Variants in RDH12 observed in about 807,000 individuals in gnomAD.
RDH12 encodes retinol dehydrogenase 12.
In RDH12, 21 loss-of-function variants were observed where a neutral mutation model predicts 34.0. The ratio of observed to expected loss-of-function variants is 0.62; its 90% CI spans 0.44 to 0.89. The LOEUF is 0.89. Among genes scored for constraint, RDH12 ranks in the 40% least tolerant of loss-of-function variants. RDH12 has a pLI of 0.00. For synonymous variants in RDH12, 198 were observed against 169.9 expected (o/e 1.17, Z -1.29); for missense variants, 394 against 398.6 (o/e 0.99, Z 0.10).
In RDH12 at chr14:67,727,478, T is replaced by G. The variant is rs543936279; in HGVS notation, c.658+288T>G. 145 of 345,766 alleles carry G rather than the reference T, an allele frequency of 4.2e-4. 4 individuals carry two copies. Among genetic ancestry groups the G allele is most frequent in the Admixed American group, 6.3e-4 (14 of 22,372 alleles). The allele number at this position is 345,766 out of a possible 1,614,324, so 21.4% of individuals were successfully genotyped here. A position where few individuals can be genotyped will look rare whatever the true frequency, so the allele number is the denominator to read the frequency against. On this transcript the variant is annotated intron_variant, in intron 7 of 8. Coordinates refer to ENST00000551171, the MANE Select transcript of RDH12 (RefSeq NM_152443.3). Reference sequence around the variant, plus strand: ...TTTGCAACAGACAGAGGCTTTTTGTTTTTTTTGTTTTTTTTTTTTTGAGAC... The same window carrying G: ...TTTGCAACAGACAGAGGCTTTTTGTGTTTTTTGTTTTTTTTTTTTTGAGAC...
chr14:67,729,177 CCT>C lies in RDH12; in HGVS notation c.659-11_659-10del, dbSNP rs767798529. 2 of 1,612,562 alleles carry C rather than the reference CCT, an allele frequency of 1.2e-6. No individual in the cohort carries two copies. The highest frequency in any genetic ancestry group is 4.5e-5 in the East Asian group (2 of 44,892). On this transcript the variant is annotated splice_polypyrimidine_tract_variant and intron_variant, in intron 7 of 8. Coordinates refer to ENST00000551171, the MANE Select transcript of RDH12 (RefSeq NM_152443.3). ...GAGTGTGTCCCTGATCTAATTGTGC[CCT>C]CTTTGTCCCAGGCACCGGGGTCACC... is the stretch of plus-strand genomic sequence containing the variant.
At chr14:67,726,863 A>G (rs2038191873) in intron 6 of RDH12, 118 bp from the exon 7 acceptor site, 1 of 835,018 alleles carries the variant, frequency 1.2e-6, no homozygotes, top group Non-Finnish European at 2.0e-6. Flanking sequence ...TACTCATGGC[A>G]TCAAAATTGG....
At chr14:67,719,228 A>G (rs564149085) in intron 1 of RDH12, among the ~76,000 whole-genome samples, 10 of 152,338 alleles carry the variant, frequency 6.6e-5, no homozygotes, top group Middle Eastern at 6.8e-3. Context: ...AAATCAGCAG[A>G]GCTTTATGAT....
intron 1 of RDH12, among the ~76,000 whole-genome samples, chr14:67,720,575 C>T (rs959583420): frequency 3.3e-5 from 5 of 152,240 alleles, no homozygotes; most frequent in African/African-American, 9.6e-5. Context: ...ATTAAATCAT[C>T]TGTCCCTTCC....
chr14:67,726,053 G>C lies in RDH12; in HGVS notation c.346G>C (p.Glu116Gln). The C allele has an allele frequency of 6.2e-7, 1 of 1,611,840 alleles. No homozygotes were observed. The highest frequency in any genetic ancestry group is 8.5e-7 in the Non-Finnish European group (1 of 1,177,978). The change falls in exon 6 of 9, where the codon GAA (glutamate) becomes CAA (glutamine). Residue 116 changes from glutamate to glutamine, a missense_variant and splice_region_variant. Glu to Gln is a conservative substitution (Grantham distance 29). Coordinates refer to ENST00000551171, the MANE Select transcript of RDH12 (RefSeq NM_152443.3). Reference sequence around the variant, plus strand: ...ATCTCTTTGGTTGTGCCCTATAGAGGAAAAGCAGCTCCATATTCTGATCAA... The same window carrying C: ...ATCTCTTTGGTTGTGCCCTATAGAGCAAAAGCAGCTCCATATTCTGATCAA... ...RAFAEGFLAE[E>Q]KQLHILINNA...
At position 67,725,052 on chromosome 14, in the gene RDH12, A is replaced by T. The variant is rs1594865270; in HGVS notation, c.188-47A>T. The T allele has an allele frequency of 1.9e-6, 3 of 1,607,862 alleles. No homozygotes were observed. The East Asian group carries it at 6.7e-5, about 36-fold the overall frequency. ...CAAGCTCACTTACTATACCTCCTTT[A>T]TAGCCTAGGATATGAACATACTGCT... On this transcript the variant is annotated intron_variant, in intron 4 of 8. Transcript: ENST00000551171.
intron 7 of RDH12, chr14:67,728,168 T>C (rs746110750): frequency 1.3e-5 from 2 of 152,220 alleles, no homozygotes. Context: ...GGTCCATTTG[T>C]TACAGTGAAT....
intron 8 of RDH12, among the ~76,000 whole-genome samples, chr14:67,731,058 C>T (rs1425530788): frequency 6.6e-6 from 1 of 152,090 alleles, no homozygotes; most frequent in African/African-American, 2.4e-5. Context: ...AAATAAAGTA[C>T]ATATTTATTA....
At position 67,732,754 on chromosome 14, in the gene RDH12, T is replaced by A. The variant is rs921815094; in HGVS notation, c.849-992T>A. Among the ~76,000 whole-genome samples, 23 of 152,242 alleles carry A rather than the reference T, an allele frequency of 1.5e-4. 1 individual carries two copies. The South Asian group carries it at 4.4e-3, about 29-fold the overall frequency. ...ACCACACCCGGCTAATTGTTTTTTGTATTTTTAGTAGAGGCAGGGTTTCGC... is the reference window on the plus strand; with the variant it reads ...ACCACACCCGGCTAATTGTTTTTTGAATTTTTAGTAGAGGCAGGGTTTCGC... On this transcript the variant is annotated intron_variant, in intron 8 of 8. Transcript: ENST00000551171.
chr14:67,714,414 G>A (rs2038044754), intron 1 of RDH12: 1 of 152,192 alleles, frequency 6.6e-6, no homozygotes, highest in Non-Finnish European at 1.5e-5. Flanking sequence ...TGGGATTACA[G>A]GTGTGAGCCT....
chr14:67,726,553 T>C (rs2038188633), intron 6 of RDH12, among the ~76,000 whole-genome samples: 1 of 152,030 alleles, frequency 6.6e-6, no homozygotes, highest in Non-Finnish European at 1.5e-5. Flanking sequence ...AGAACTTGAG[T>C]ACGAGGCAGG....
Position 67,726,149 on chromosome 14 carries a change from C to T in RDH12, c.442C>T (p.His148Tyr). 8 of 1,598,808 alleles carry T rather than the reference C, an allele frequency of 5.0e-6. No homozygotes were observed. The highest frequency in any genetic ancestry group is 6.0e-6 in the Non-Finnish European group (7 of 1,166,114). The part of the protein sequence containing the change: ...DGFETHLGVN[H>Y]LGHFLLTYLL... Reference sequence around the variant, plus strand: ...CTTTGAAACCCACCTGGGAGTCAACCACCTGGGTAAGTATCTTTGGGTGAC... The same window carrying T: ...CTTTGAAACCCACCTGGGAGTCAACTACCTGGGTAAGTATCTTTGGGTGAC... The change falls in exon 6 of 9, where the codon CAC (histidine) becomes TAC (tyrosine). Residue 148 changes from histidine (H) to tyrosine (Y), a missense_variant. Transcript: ENST00000551171.
chr14:67,724,590 A>G lies in RDH12; in HGVS notation c.186A>G (p.Arg62=). The G allele has an allele frequency of 6.2e-7, 1 of 1,610,420 alleles. No individual in the cohort carries two copies. The highest frequency in any genetic ancestry group is 8.5e-7 in the Non-Finnish European group (1 of 1,176,834). ...GKETARELAS[R]GARVYIACRD... is the part of the protein sequence containing the mutation. ...AGACGGCCAGAGAGCTCGCTAGCCG[A>G]GGTAAGTGTTTCCCCTTTAGTCTCC... Residue 62 remains arginine, a splice_region_variant and synonymous_variant, in exon 4 of 9, where the codon CGA becomes CGG. Coordinates refer to ENST00000551171, the MANE Select transcript of RDH12 (RefSeq NM_152443.3).
chr14:67,717,496 G>C (rs2038080763), intron 1 of RDH12, among the ~76,000 whole-genome samples: 1 of 152,222 alleles, frequency 6.6e-6, no homozygotes, highest in Non-Finnish European at 1.5e-5. Flanking sequence ...TGAGTGAAAG[G>C]CATGGGATAC....
At chr14:67,725,505 T>C (rs1025203397) in intron 5 of RDH12, among the ~76,000 whole-genome samples, 17 of 152,224 alleles carry the variant, frequency 1.1e-4, no homozygotes, top group African/African-American at 4.1e-4. Flanking sequence ...GCTTGCACCT[T>C]GGCATCAAGG....
At chr14:67,731,207 CTTTT>C (rs71129853) in intron 8 of RDH12, among the ~76,000 whole-genome samples, 5 of 90,610 alleles carry the variant, frequency 5.5e-5, no homozygotes, top group East Asian at 3.6e-4. Context: ...TTCTTTCTTT[CTTTT>C]TTTTTTTTTT....
chr14:67,725,997 G>T, intron 5 of RDH12, 54 bp from the exon 6 acceptor site: 1 of 1,199,830 alleles, frequency 8.3e-7, no homozygotes, highest in South Asian at 1.2e-5. Flanking sequence ...GTCTGTTACA[G>T]GCAGCTAGGG....
chr14:67,711,249 A>G (rs1021715875), intron 1 of RDH12, among the ~76,000 whole-genome samples: 1 of 152,198 alleles, frequency 6.6e-6, no homozygotes, highest in African/African-American at 2.4e-5. Flanking sequence ...AGCAGAGATC[A>G]TTCTGTTTTG....
chr14:67,722,621 A>T lies in RDH12; in HGVS notation c.-22A>T. 6.2e-7 allele frequency: 1 copy of T among 1,608,812 alleles called. No individual in the cohort carries two copies. Among genetic ancestry groups the T allele is most frequent in the Non-Finnish European group, 8.5e-7 (1 of 1,175,104 alleles). ...AAGCTGGAGCAGCAGCAAAAGCAAC[A>T]GCAGCTACAGAAGTTGGAACGATGC... On this transcript the variant is annotated 5_prime_UTR_variant, in exon 3 of 9. Coordinates refer to ENST00000551171, the MANE Select transcript of RDH12 (RefSeq NM_152443.3).
Sources: allele counts gnomAD v4.1 joint callset (sites outside exome capture counted in the v4.1 genomes callset), GRCh38; gene constraint gnomAD v4.1.1; transcripts MANE v1.5; gene names NCBI Gene and HGNC (gene_info 2026-07-23, HGNC 2026-07-21).